The following GGTA1 variants were observed in gnomAD, a reference collection of about 807,000 sequenced individuals.
GGTA1 encodes glycoprotein alpha-galactosyltransferase 1 (inactive), also known as inactive N-acetyllactosaminide alpha-1,3-galactosyltransferase.
A neutral mutation model predicts 2.6 loss-of-function variants in GGTA1; 5 were observed. That is an observed-to-expected ratio of 1.92 (90% CI 1.00 to 4.04). The LOEUF is 4.04. GGTA1 is among the 30% of genes most tolerant of loss of function. The pLI, the probability that GGTA1 is intolerant of heterozygous loss-of-function variation, is 0.00. For synonymous variants in GGTA1, 17 were observed against 5.0 expected (o/e 3.38, Z -3.19); for missense variants, 50 against 16.7 (o/e 2.99, Z -3.47).
At chr9:121,491,756 C>T (rs984295757) in intron 1 of GGTA1, among the ~76,000 whole-genome samples, 8 of 151,950 alleles carry the variant, frequency 5.3e-5, no homozygotes, top group Non-Finnish European at 8.8e-5. Flanking sequence ...ATTACAGGCT[C>T]CCACCACCAA....
At chr9:121,459,466 A>G (rs1269124554) in intron 5 of GGTA1, among the ~76,000 whole-genome samples, 1 of 152,156 alleles carries the variant, frequency 6.6e-6, no homozygotes, top group Non-Finnish European at 1.5e-5. Context: ...ATCAAATGAA[A>G]AAAAAGGATT....
At chr9:121,473,971 G>A (rs1284496793) in intron 1 of GGTA1, among the ~76,000 whole-genome samples, 1 of 149,262 alleles carries the variant, frequency 6.7e-6, no homozygotes, top group Non-Finnish European at 1.5e-5. Flanking sequence ...GAGGGAGGGA[G>A]GGAGAGAGAG....
rs569994189 is a variant in GGTA1, at chr9:121,488,907, T to TCAAAA, written c.-10+10738_-10+10742dup. Among the ~76,000 whole-genome samples, 179 of 152,192 alleles carry TCAAAA rather than the reference T, an allele frequency of 1.2e-3. 5 individuals carry two copies. Among genetic ancestry groups the TCAAAA allele is most frequent in the Admixed American group, 9.2e-3 (140 of 15,290 alleles). ...CTGGGCAACAGAGCCAGAGTCTGTCTCAAAACAAAACAAAACAAGGATGTT... is the reference window on the plus strand; with the variant it reads ...CTGGGCAACAGAGCCAGAGTCTGTCTCAAAACAAAACAAAACAAAACAAGGATGTT... On this transcript the variant is annotated intron_variant, in intron 1 of 5. Coordinates refer to ENST00000481799, the MANE Select transcript of GGTA1 (RefSeq NM_001382585.1).
intron 1 of GGTA1, among the ~76,000 whole-genome samples, chr9:121,495,904 T>C (rs746676275): frequency 4.6e-5 from 7 of 152,196 alleles, no homozygotes; most frequent in Non-Finnish European, 7.3e-5. Context: ...AGATGCCCAT[T>C]GGGCAGTTAA....
chr9:121,455,477 T>C lies in GGTA1; in HGVS notation c.*360A>G, dbSNP rs76287680. The C allele has an allele frequency of 4.0e-3, 616 of 154,584 alleles. 3 individuals are homozygous for C. The highest frequency in any genetic ancestry group is 5.8e-3 in the Non-Finnish European group (399 of 69,232). The allele number at this position is 154,584 out of a possible 1,614,324, so 9.6% of individuals were successfully genotyped here. A position where few individuals can be genotyped will look rare whatever the true frequency, so the allele number is the denominator to read the frequency against. ...TAAGTGCTTGACTTTTATTCTCTCA[T>C]TTGATCTTCATGACCATTCTATGAA... On this transcript the variant is annotated 3_prime_UTR_variant, in exon 6 of 6. Transcript: ENST00000481799.
intron 2 of GGTA1, 56 bp from the exon 3 acceptor site, chr9:121,463,384 C>T (rs1413485520): frequency 2.5e-5 from 11 of 444,460 alleles, no homozygotes; most frequent in Non-Finnish European, 4.5e-5. Context: ...CTGAGAAAGG[C>T]GATTTTGTAA....
exon 8 of GGTA1, chr9:121,446,062 T>C (rs2064851053): frequency 6.6e-6 from 1 of 152,182 alleles, no homozygotes; most frequent in Admixed American, 6.6e-5. Flanking sequence ...AGAAACATCT[T>C]CCGTTCAAGT....
At chr9:121,469,029 C>T (rs1016973569) in intron 1 of GGTA1, among the ~76,000 whole-genome samples, 1 of 152,148 alleles carries the variant, frequency 6.6e-6, no homozygotes, top group Non-Finnish European at 1.5e-5. Context: ...TTCCCAGCTA[C>T]CCCCAGCGTA....
chr9:121,490,547 G>A (rs944244110), intron 1 of GGTA1, among the ~76,000 whole-genome samples: 3 of 152,136 alleles, frequency 2.0e-5, no homozygotes, highest in Non-Finnish European at 4.4e-5. Flanking sequence ...AGAGCACAAC[G>A]GGCCGGATCC....
chr9:121,480,303 G>A (rs1326781094), intron 1 of GGTA1, among the ~76,000 whole-genome samples: 1 of 152,048 alleles, frequency 6.6e-6, no homozygotes, highest in African/African-American at 2.4e-5. Flanking sequence ...TGATCCGCCC[G>A]CCTCAGCCTC....
chr9:121,453,213 T>C (rs75242214), downstream of GGTA1, among the ~76,000 whole-genome samples: 1,280 of 152,344 alleles, frequency 8.4e-3, 19 homozygotes, highest in African/African-American at 0.029. Flanking sequence ...AGGCATTTGA[T>C]GGAGGCCCAG....
chr9:121,453,017 G>A (rs1479568610), downstream of GGTA1, among the ~76,000 whole-genome samples: 1 of 152,216 alleles, frequency 6.6e-6, no homozygotes, highest in Non-Finnish European at 1.5e-5. Flanking sequence ...GAGATCCTAA[G>A]CCTTGATAAA....
intron 7 of GGTA1, among the ~76,000 whole-genome samples, chr9:121,448,285 C>T (rs965615435): frequency 6.6e-6 from 1 of 152,174 alleles, no homozygotes; most frequent in Admixed American, 6.5e-5. Context: ...TACTGCCAGA[C>T]CAGATACAAG....
downstream of GGTA1, among the ~76,000 whole-genome samples, chr9:121,450,737 C>T (rs1365931478): frequency 6.6e-6 from 1 of 152,120 alleles, no homozygotes; most frequent in African/African-American, 2.4e-5. Context: ...TAGGTGGCTC[C>T]CAACCTATAT....
At chr9:121,472,794 C>T (rs767501758) in intron 1 of GGTA1, among the ~76,000 whole-genome samples, 9 of 152,132 alleles carry the variant, frequency 5.9e-5, no homozygotes, top group Non-Finnish European at 1.3e-4. Context: ...TTGTAAGGAA[C>T]GTTAGGCAGA....
chr9:121,486,736 C>T (rs1043104345), intron 1 of GGTA1, among the ~76,000 whole-genome samples: 2 of 152,178 alleles, frequency 1.3e-5, no homozygotes, highest in Admixed American at 1.3e-4. Context: ...GATAACAATC[C>T]CTACCACCTG....
intron 1 of GGTA1, among the ~76,000 whole-genome samples, chr9:121,489,512 A>G (rs1269773836): frequency 6.6e-6 from 1 of 152,212 alleles, no homozygotes; most frequent in Admixed American, 6.5e-5. Context: ...GAAGTTACTT[A>G]CATCTATTGT....
intron 5 of GGTA1, among the ~76,000 whole-genome samples, chr9:121,457,650 G>A (rs10985249): frequency 8.0e-5 from 12 of 149,384 alleles, no homozygotes; most frequent in Middle Eastern, 3.4e-3. Flanking sequence ...GCAGTGAGCC[G>A]AGATTGCGCC....
chr9:121,451,272 G>A (rs10818535), downstream of GGTA1, among the ~76,000 whole-genome samples: 35,524 of 151,920 alleles, frequency 0.23, 4,629 homozygotes, highest in Middle Eastern at 0.3. Flanking sequence ...TGCAACCTCC[G>A]CCTCCCAGGT....
Sources: gnomAD v4.1 joint callset for allele counts (sites outside exome capture counted in the v4.1 genomes callset) on GRCh38, gnomAD v4.1.1 for gene constraint, MANE v1.5 for transcripts, NCBI Gene and HGNC (gene_info 2026-07-23, HGNC 2026-07-21) for gene names.